Variants in SGCZ observed in about 807,000 individuals in gnomAD.
SGCZ encodes sarcoglycan zeta.
In SGCZ, 40 loss-of-function variants were observed where a neutral mutation model predicts 41.3. The observed-to-expected ratio is 0.97, with a 90% CI of 0.75 to 1.26. The LOEUF is 1.26. Among genes scored for constraint, SGCZ ranks in the 50% most tolerant of loss-of-function variants. The probability of loss-of-function intolerance (pLI) is 0.00; values close to 1 mark genes in which losing one functional copy is unlikely to be tolerated. For missense variants in SGCZ, 552 were observed against 369.8 expected (o/e 1.49, Z -4.04); for synonymous variants, 206 against 137.5 (o/e 1.50, Z -3.49).
intron 1 of SGCZ, among the ~76,000 whole-genome samples, chr8:14,840,813 A>T (rs1455065105): frequency 7.9e-5 from 12 of 152,050 alleles, no homozygotes; most frequent in African/African-American, 2.9e-4. Context: ...AGACTTTTTA[A>T]CCTCTTATGA....
intron 1 of SGCZ, among the ~76,000 whole-genome samples, chr8:14,777,651 A>G (rs1025584386): frequency 6.6e-6 from 1 of 152,198 alleles, no homozygotes; most frequent in African/African-American, 2.4e-5. Context: ...CAGGAAATGT[A>G]CATTGAAGTA....
chr8:15,208,558 C>G (rs1288261803), intron 1 of SGCZ, among the ~76,000 whole-genome samples: 1 of 152,078 alleles, frequency 6.6e-6, no homozygotes, highest in Non-Finnish European at 1.5e-5. Context: ...GCCAATTTAT[C>G]AGAAACAAGA....
At chr8:14,734,012 G>T (rs1798951881) in intron 1 of SGCZ, among the ~76,000 whole-genome samples, 2 of 152,192 alleles carry the variant, frequency 1.3e-5, no homozygotes, top group African/African-American at 4.8e-5. Flanking sequence ...TGGAGAAGCT[G>T]AACTAGTTTT....
At chr8:14,405,936 A>C (rs1799201155) in intron 2 of SGCZ, among the ~76,000 whole-genome samples, 1 of 152,188 alleles carries the variant, frequency 6.6e-6, no homozygotes, top group African/African-American at 2.4e-5. Flanking sequence ...GCAAATATGC[A>C]ATGAGCACCC....
chr8:14,901,839 A>T (rs777187287), intron 1 of SGCZ, among the ~76,000 whole-genome samples: 4 of 152,168 alleles, frequency 2.6e-5, no homozygotes, highest in Non-Finnish European at 5.9e-5. Context: ...ATGTAAACCA[A>T]CTGTACAAGA....
At chr8:14,193,359 T>C (rs965284739) in intron 4 of SGCZ, among the ~76,000 whole-genome samples, 2 of 151,730 alleles carry the variant, frequency 1.3e-5, no homozygotes, top group Admixed American at 6.6e-5. Flanking sequence ...TGTTTGACCA[T>C]TGTTTTTCAT....
At chr8:14,449,896 AAAGT>A (rs1254759733) in intron 2 of SGCZ, among the ~76,000 whole-genome samples, 1 of 152,218 alleles carries the variant, frequency 6.6e-6, no homozygotes, top group African/African-American at 2.4e-5. Flanking sequence ...CATCGTAAAC[AAAGT>A]AAGAGTGAAC....
intron 1 of SGCZ, among the ~76,000 whole-genome samples, chr8:15,198,984 A>G (rs1239882957): frequency 6.6e-6 from 1 of 152,244 alleles, no homozygotes; most frequent in Non-Finnish European, 1.5e-5. Context: ...CACATCAAGT[A>G]ACTGAAATTT....
intron 1 of SGCZ, among the ~76,000 whole-genome samples, chr8:14,842,638 G>C (rs771305343): frequency 1.3e-5 from 2 of 152,118 alleles, no homozygotes; most frequent in Non-Finnish European, 2.9e-5. Context: ...GTGCTTATAA[G>C]CCTGTTTAAG....
chr8:14,164,469 G>A, intron 5 of SGCZ, 111 bp downstream of exon 5: 5 of 1,316,502 alleles, frequency 3.8e-6, no homozygotes, highest in Non-Finnish European at 5.2e-6. Flanking sequence ...TTGTGATTAT[G>A]TAAGACTCTA....
At chr8:14,376,751 C>A (rs1804146808) in intron 2 of SGCZ, among the ~76,000 whole-genome samples, 1 of 152,164 alleles carries the variant, frequency 6.6e-6, no homozygotes, top group Admixed American at 6.5e-5. Flanking sequence ...AACAACATTA[C>A]CTACAAATAT....
In SGCZ at chr8:14,479,731, C is replaced by CTTTTTTTTTTTTTTTTTTT. The variant is rs529812029; in HGVS notation, c.234+74982_234+75000dup. On this transcript the variant is annotated intron_variant, in intron 2 of 7. Coordinates refer to ENST00000382080, the MANE Select transcript of SGCZ (RefSeq NM_139167.4). ...GTCGCATACCTCCAGAATTCTACTT[C>CTTTTTTTTTTTTTTTTTTT]TTTTTTTTTTTTTTTTTTTTTTTTT... Among the ~76,000 whole-genome samples the CTTTTTTTTTTTTTTTTTTT allele has an allele frequency of 1.1e-3, 57 of 52,952 alleles. 10 individuals are homozygous for CTTTTTTTTTTTTTTTTTTT. The highest frequency in any genetic ancestry group is 2.7e-3 in the African/African-American group (54 of 19,782). The allele number at this position is 52,952 out of a possible 152,430, so 34.7% of individuals were successfully genotyped here.
At chr8:14,290,119 G>A (rs995689564) in intron 3 of SGCZ, among the ~76,000 whole-genome samples, 5 of 152,026 alleles carry the variant, frequency 3.3e-5, no homozygotes, top group Non-Finnish European at 5.9e-5. Context: ...TGAGGTTTGG[G>A]TGGTGACACA....
At chr8:14,102,294 G>A (rs1802054151) in intron 7 of SGCZ, 82 bp downstream of exon 7, 1 of 1,276,094 alleles carries the variant, frequency 7.8e-7, no homozygotes, top group South Asian at 3.1e-5. Flanking sequence ...TCCTTCACAA[G>A]TCAATTATAA....
At chr8:14,525,181 TAGATAGATAGATAGAC>T (rs762655742) in intron 2 of SGCZ, among the ~76,000 whole-genome samples, 5,655 of 132,906 alleles carry the variant, frequency 0.043, 176 homozygotes, top group Non-Finnish European at 0.057. Context: ...GATAGATAGA[TAGATAGATAGATAGAC>T]AGACAGACAG....
intron 1 of SGCZ, among the ~76,000 whole-genome samples, chr8:15,030,309 G>T (rs1027127307): frequency 6.6e-6 from 1 of 151,866 alleles, no homozygotes; most frequent in Non-Finnish European, 1.5e-5. Flanking sequence ...AAAATAGCAC[G>T]GTGAAAATCT....
intron 1 of SGCZ, among the ~76,000 whole-genome samples, chr8:15,079,235 C>G (rs1805655705): frequency 1.3e-5 from 2 of 152,138 alleles, no homozygotes; most frequent in South Asian, 4.1e-4. Flanking sequence ...TTATTATAGG[C>G]AGGAATGTAC....
At chr8:14,197,297 C>G (rs1215851356) in intron 4 of SGCZ, among the ~76,000 whole-genome samples, 1 of 152,048 alleles carries the variant, frequency 6.6e-6, no homozygotes, top group Admixed American at 6.6e-5. Context: ...CTTATTGTGA[C>G]ACGAATGTTA....
At chr8:14,364,075 A>C (rs1803618328) in intron 2 of SGCZ, among the ~76,000 whole-genome samples, 1 of 152,104 alleles carries the variant, frequency 6.6e-6, no homozygotes, top group Admixed American at 6.5e-5. Context: ...TAGATACTCT[A>C]ATTTATTTAC....
Sources: gnomAD v4.1 joint callset for allele counts (sites outside exome capture counted in the v4.1 genomes callset) on GRCh38, gnomAD v4.1.1 for gene constraint, MANE v1.5 for transcripts, NCBI Gene and HGNC (gene_info 2026-07-23, HGNC 2026-07-21) for gene names.